The following STPG2 variants were observed in gnomAD, a reference collection of about 807,000 sequenced individuals.
STPG2 encodes sperm tail PG-rich repeat containing 2, also known as sperm-tail PG-rich repeat-containing protein 2.
In STPG2, 56 loss-of-function variants were observed where a neutral mutation model predicts 54.2. That is an observed-to-expected ratio of 1.03 (90% CI 0.83 to 1.29). The LOEUF (loss-of-function observed/expected upper bound fraction) is 1.29, where lower values mean the gene tolerates loss of function less well. STPG2 is among the 50% of genes most tolerant of loss of function. The pLI is 0.00. For synonymous variants in STPG2, 200 were observed against 181.8 expected (o/e 1.10, Z -0.81); for missense variants, 596 against 544.9 (o/e 1.09, Z -0.93).
chr4:97,850,763 A>G (rs1035507072), intron 8 of STPG2, among the ~76,000 whole-genome samples: 3 of 152,150 alleles, frequency 2.0e-5, no homozygotes, highest in Non-Finnish European at 4.4e-5. Flanking sequence ...TGTGCCAAAT[A>G]ACTACCCTCA....
chr4:97,997,032 A>G (rs944136354), intron 5 of STPG2, among the ~76,000 whole-genome samples: 3 of 152,226 alleles, frequency 2.0e-5, no homozygotes, highest in African/African-American at 7.2e-5. Context: ...CAGTTTGGCA[A>G]TTTCTCAAAG....
At chr4:97,936,786 C>A (rs1732760281) in intron 8 of STPG2, among the ~76,000 whole-genome samples, 1 of 152,098 alleles carries the variant, frequency 6.6e-6, no homozygotes, top group Non-Finnish European at 1.5e-5. Context: ...GGTGACCTGG[C>A]CTTTATATCT....
rs372527741 is a variant in STPG2, at chr4:97,929,755, C to T, written c.1044+14142G>A. ...TACTCTTGTAAATTTGTTTAAGTTC[C>T]TTATAGATGCTGCATATTAGACCTT... On this transcript the variant is annotated intron_variant, in intron 8 of 10. Transcript: ENST00000295268. 1.3e-4 allele frequency among the ~76,000 whole-genome samples: 20 copies of T among 152,022 alleles called. 3 individuals are homozygous for T. The highest frequency in any genetic ancestry group is 9.2e-4 in the Admixed American group (14 of 15,266).
intron 4 of STPG2, among the ~76,000 whole-genome samples, chr4:97,509,173 T>G (rs528302236): frequency 9.1e-4 from 138 of 152,214 alleles, no homozygotes; most frequent in Non-Finnish European, 1.7e-3. Context: ...CTGGTCCGTT[T>G]CTGTCTTTGC....
At chr4:97,649,009 G>A (rs887825743) in intron 10 of STPG2, among the ~76,000 whole-genome samples, 14 of 151,990 alleles carry the variant, frequency 9.2e-5, no homozygotes, top group South Asian at 2.1e-4. Flanking sequence ...TGATAATTCA[G>A]AACATGGTAC....
intron 9 of STPG2, among the ~76,000 whole-genome samples, chr4:97,810,342 T>C (rs188118522): frequency 6.6e-6 from 1 of 151,880 alleles, no homozygotes; most frequent in Non-Finnish European, 1.5e-5. Context: ...TGTGTGCCTG[T>C]AGTCCCAGCT....
chr4:97,786,358 G>A (rs772975687), intron 9 of STPG2, among the ~76,000 whole-genome samples: 2 of 151,174 alleles, frequency 1.3e-5, no homozygotes, highest in African/African-American at 2.4e-5. Context: ...AGTTTTTATT[G>A]TTCAGATTTT....
chr4:97,850,123 G>A (rs1040744367), intron 8 of STPG2, among the ~76,000 whole-genome samples: 7 of 150,778 alleles, frequency 4.6e-5, no homozygotes, highest in Non-Finnish European at 7.4e-5. Context: ...CCTTTGTAGG[G>A]ACATGGATGA....
chr4:97,823,272 CT>C (rs1360144423), intron 9 of STPG2, among the ~76,000 whole-genome samples: 1 of 152,310 alleles, frequency 6.6e-6, no homozygotes, highest in East Asian at 1.9e-4. Flanking sequence ...AAAGGATAGG[CT>C]GACTCTGGAG....
chr4:97,481,670 C>T (rs1730223372), intron 4 of STPG2, among the ~76,000 whole-genome samples: 1 of 151,546 alleles, frequency 6.6e-6, no homozygotes, highest in African/African-American at 2.4e-5. Flanking sequence ...TTTAGAAACA[C>T]TATTAATTTT....
intron 10 of STPG2, among the ~76,000 whole-genome samples, chr4:97,710,832 GA>G (rs1262989552): frequency 1.9e-4 from 29 of 152,062 alleles, no homozygotes; most frequent in Non-Finnish European, 3.8e-4. Context: ...TTGGTGTTGA[GA>G]AGACAAAAAC....
chr4:97,977,017 C>A (rs934460433), intron 6 of STPG2, among the ~76,000 whole-genome samples: 3 of 152,122 alleles, frequency 2.0e-5, no homozygotes, highest in Admixed American at 2.0e-4. Flanking sequence ...TGTGCTTATG[C>A]AACCTGAATC....
chr4:98,026,906 C>T (rs1736442264), intron 5 of STPG2, among the ~76,000 whole-genome samples: 1 of 152,104 alleles, frequency 6.6e-6, no homozygotes, highest in South Asian at 2.1e-4. Context: ...AGTAGTTGAC[C>T]ATTTTTAACT....
intron 10 of STPG2, among the ~76,000 whole-genome samples, chr4:97,662,001 C>T (rs1186293246): frequency 6.6e-6 from 1 of 152,048 alleles, no homozygotes; most frequent in Non-Finnish European, 1.5e-5. Context: ...AACTTTACTG[C>T]AGTTATTTAT....
intron 8 of STPG2, among the ~76,000 whole-genome samples, chr4:97,862,370 C>A (rs1051359641): frequency 6.6e-6 from 1 of 151,868 alleles, no homozygotes; most frequent in Non-Finnish European, 1.5e-5. Context: ...TAATGGTAAA[C>A]GGATCAATTC....
intron 4 of STPG2, among the ~76,000 whole-genome samples, chr4:97,459,716 C>A (rs945596769): frequency 3.9e-5 from 6 of 152,142 alleles, no homozygotes; most frequent in Non-Finnish European, 7.4e-5. Context: ...GCTGGGATTA[C>A]AGGCGTGAGC....
At chr4:97,782,181 G>C (rs936136175) in intron 9 of STPG2, among the ~76,000 whole-genome samples, 13 of 152,052 alleles carry the variant, frequency 8.5e-5, no homozygotes, top group East Asian at 7.7e-4. Context: ...ATTTAGAAAA[G>C]CCCATCATCT....
chr4:97,840,700 T>A, intron 9 of STPG2, 73 bp downstream of exon 9: 1 of 1,498,686 alleles, frequency 6.7e-7, no homozygotes, highest in Admixed American at 2.2e-5. Flanking sequence ...AACCTATCAA[T>A]GATTCTAGAT....
At chr4:97,847,956 C>T (rs1205713689) in intron 8 of STPG2, among the ~76,000 whole-genome samples, 1 of 152,152 alleles carries the variant, frequency 6.6e-6, no homozygotes, top group Non-Finnish European at 1.5e-5. Flanking sequence ...ATACTTATTA[C>T]GTGGCAGTTG....
Sources: gnomAD v4.1 joint callset for allele counts (sites outside exome capture counted in the v4.1 genomes callset) on GRCh38, gnomAD v4.1.1 for gene constraint, MANE v1.5 for transcripts, NCBI Gene and HGNC (gene_info 2026-07-23, HGNC 2026-07-21) for gene names.